Variants in ZFPM2 observed in about 807,000 individuals in gnomAD.
ZFPM2 encodes the protein zinc finger protein, FOG family member 2.
Under a neutral mutation model 98.6 loss-of-function variants are expected in ZFPM2, and 20 were observed. That is an observed-to-expected ratio of 0.20 (90% CI 0.14 to 0.29). The LOEUF is 0.29. Ranked by LOEUF, ZFPM2 falls within the 10% of genes least tolerant of loss-of-function variation. ZFPM2 has a pLI of 1.00. For synonymous variants in ZFPM2, 518 were observed against 502.7 expected, an observed-to-expected ratio of 1.03 and a Z score of -0.41; for missense variants, 1,310 against 1,388.6, an observed-to-expected ratio of 0.94 and a Z score of 0.90.
intron 1 of ZFPM2, among the ~76,000 whole-genome samples, chr8:105,319,296 G>A (rs1345868564): frequency 6.6e-6 from 1 of 152,178 alleles, no homozygotes; most frequent in African/African-American, 2.4e-5. Flanking sequence ...TCGTCCAGCC[G>A]GAGGGGCAGT....
In ZFPM2 at chr8:105,688,784, A is replaced by G. The variant is rs1263075973; in HGVS notation, c.532+54427A>G. The stretch of plus-strand genomic sequence containing the variant: ...AGACAATAAGTCTAGATCTTTGTGA[A>G]TACATTACACTCTTCTCATTCTCTA... On this transcript the variant is annotated intron_variant, in intron 5 of 7. Transcript: ENST00000407775. Among the ~76,000 whole-genome samples, 3 of 152,308 alleles carry G rather than the reference A, an allele frequency of 2.0e-5. No homozygotes were observed. In the East Asian group the frequency reaches 5.8e-4, roughly 29 times the overall value.
At chr8:105,537,870 T>C (rs190984856) in intron 3 of ZFPM2, among the ~76,000 whole-genome samples, 16 of 152,094 alleles carry the variant, frequency 1.1e-4, no homozygotes, top group African/African-American at 3.4e-4. Context: ...AGCTGGGACT[T>C]ACAGGTGTGT....
At chr8:105,445,255 A>G (rs1345717354) in intron 3 of ZFPM2, among the ~76,000 whole-genome samples, 2 of 152,204 alleles carry the variant, frequency 1.3e-5, no homozygotes, top group African/African-American at 4.8e-5. Flanking sequence ...GCTGGAAAAT[A>G]TAATGCAAAC....
intron 1 of ZFPM2, among the ~76,000 whole-genome samples, chr8:105,380,644 ATTATATATATATATTATATAT>A (rs1810836047): frequency 2.1e-4 from 6 of 28,718 alleles, no homozygotes; most frequent in African/African-American, 1.0e-3. Context: ...TTATATATAT[ATTATATATATATATTATATAT>A]AACATATATA....
At chr8:105,749,552 G>C (rs1426156409) in intron 5 of ZFPM2, among the ~76,000 whole-genome samples, 1 of 151,950 alleles carries the variant, frequency 6.6e-6, no homozygotes, top group Non-Finnish European at 1.5e-5. Flanking sequence ...GTATATCCTG[G>C]TCATGTTCAG....
Position 105,801,194 on chromosome 8 carries a change from G to T in ZFPM2, c.1112G>T (p.Gly371Val). The T allele has an allele frequency of 6.2e-7, 1 of 1,613,872 alleles. No individual in the cohort carries two copies. The highest frequency in any genetic ancestry group is 1.1e-5 in the South Asian group (1 of 91,076). ...AAFRCNHCHF[G>V]FQTQRELLQH... is the part of the protein sequence containing the mutation. ...TTCCGATGTAATCACTGCCATTTCG[G>T]CTTCCAGACTCAGAGGGAGTTATTG... is the stretch of plus-strand genomic sequence containing the variant. The change falls in exon 8 of 8, where the codon GGC becomes GTC. Residue 371 changes from glycine (G) to valine (V), a missense_variant. Physicochemically the swap from Gly to Val is moderately radical, Grantham distance 109. Coordinates refer to ENST00000407775, the MANE Select transcript of ZFPM2 (RefSeq NM_012082.4).
intron 5 of ZFPM2, among the ~76,000 whole-genome samples, chr8:105,707,389 G>A (rs1330189280): frequency 6.6e-6 from 1 of 152,156 alleles, no homozygotes; most frequent in Non-Finnish European, 1.5e-5. Flanking sequence ...AAAAGAAGGT[G>A]TGCAATTAGT....
intron 3 of ZFPM2, among the ~76,000 whole-genome samples, chr8:105,476,716 T>C (rs1394831496): frequency 6.6e-6 from 1 of 152,180 alleles, no homozygotes; most frequent in Non-Finnish European, 1.5e-5. Flanking sequence ...TTAATATTTA[T>C]TGAATAAATA....
chr8:105,583,604 A>G (rs990271624), intron 4 of ZFPM2, among the ~76,000 whole-genome samples: 1 of 152,104 alleles, frequency 6.6e-6, no homozygotes, highest in Non-Finnish European at 1.5e-5. Context: ...TGTATAATTG[A>G]GAATCCAAAA....
chr8:105,539,592 A>C (rs1814533766), intron 3 of ZFPM2, among the ~76,000 whole-genome samples: 2 of 152,146 alleles, frequency 1.3e-5, no homozygotes, highest in Non-Finnish European at 2.9e-5. Flanking sequence ...ACTATGATAG[A>C]TAGTAAAGAA....
chr8:105,323,445 C>A (rs1812064413), intron 1 of ZFPM2, among the ~76,000 whole-genome samples: 1 of 151,688 alleles, frequency 6.6e-6, no homozygotes, highest in African/African-American at 2.4e-5. Context: ...ACATTTTTGA[C>A]TGAGCAACAT....
rs1563575774 is a variant in ZFPM2 at position 105,803,556 on chromosome 8, C to G, written c.*18C>G. 1 of 1,588,690 alleles carries G rather than the reference C, an allele frequency of 6.3e-7. No homozygotes were observed. Among genetic ancestry groups the G allele is most frequent in the Non-Finnish European group, 8.6e-7 (1 of 1,165,884 alleles). On this transcript the variant is annotated 3_prime_UTR_variant, in exon 8 of 8. Transcript: ENST00000407775. ...TCAAATGAACTAACTAAACATCAGT[C>G]ACCTTTGGTATCAGTGTTTAGTATG...
At chr8:105,325,162 G>C (rs1812092356) in intron 1 of ZFPM2, among the ~76,000 whole-genome samples, 1 of 151,748 alleles carries the variant, frequency 6.6e-6, no homozygotes, top group Non-Finnish European at 1.5e-5. Flanking sequence ...CTCATCAAAC[G>C]AATAGCAGCA....
intron 1 of ZFPM2, among the ~76,000 whole-genome samples, chr8:105,368,847 C>T (rs1377757092): frequency 1.3e-5 from 2 of 152,146 alleles, no homozygotes; most frequent in African/African-American, 4.8e-5. Context: ...AAATATGTCT[C>T]AGCATTATCT....
chr8:105,341,757 A>G (rs999167723), intron 1 of ZFPM2, among the ~76,000 whole-genome samples: 2 of 152,036 alleles, frequency 1.3e-5, no homozygotes, highest in African/African-American at 4.8e-5. Context: ...ATTTTAGATA[A>G]CATGTATCAC....
intron 3 of ZFPM2, among the ~76,000 whole-genome samples, chr8:105,490,605 G>A (rs1182588944): frequency 6.6e-6 from 1 of 152,176 alleles, no homozygotes; most frequent in African/African-American, 2.4e-5. Flanking sequence ...GTGATATTGA[G>A]CTAATTCTGA....
intron 6 of ZFPM2, 122 bp from the exon 7 acceptor site, chr8:105,798,602 T>G (rs1813902954): frequency 1.3e-6 from 1 of 753,458 alleles, no homozygotes; most frequent in Non-Finnish European, 2.2e-6. Context: ...CTGTTACTCA[T>G]CTGATTGCCC....
chr8:105,566,845 T>A (rs1815253118), intron 4 of ZFPM2, among the ~76,000 whole-genome samples: 1 of 152,162 alleles, frequency 6.6e-6, no homozygotes, highest in Non-Finnish European at 1.5e-5. Flanking sequence ...CAGAGAAATC[T>A]CATTTTATTC....
At chr8:105,426,488 C>G (rs1457022049) in intron 2 of ZFPM2, among the ~76,000 whole-genome samples, 1 of 152,094 alleles carries the variant, frequency 6.6e-6, no homozygotes, top group Admixed American at 6.6e-5. Context: ...GCCACCTCCC[C>G]CTCCCTCCAC....
Sources: allele counts gnomAD v4.1 joint callset (sites outside exome capture counted in the v4.1 genomes callset), GRCh38; gene constraint gnomAD v4.1.1; transcripts MANE v1.5; gene names NCBI Gene and HGNC (gene_info 2026-07-23, HGNC 2026-07-21).